CDH17: variants seen among roughly 807,000 people sequenced by gnomAD.
CDH17 encodes cadherin 17.
Under a neutral mutation model 86.3 loss-of-function variants are expected in CDH17, and 67 were observed. The ratio of observed to expected loss-of-function variants is 0.78; its 90% confidence interval spans 0.64 to 0.95. The LOEUF is 0.95. Among genes scored for constraint, CDH17 ranks in the 40% least tolerant of loss-of-function variants. The pLI, the probability that CDH17 is intolerant of heterozygous loss-of-function variation, is 0.00. For missense variants in CDH17, 993 were observed against 1,017.6 expected (o/e 0.98, Z 0.33); for synonymous variants, 367 against 366.4 (o/e 1.00, Z -0.02).
At chr8:94,205,419 C>T (rs1356821410) in intron 1 of CDH17, among the ~76,000 whole-genome samples, 1 of 151,920 alleles carries the variant, frequency 6.6e-6, no homozygotes, top group Non-Finnish European at 1.5e-5. Context: ...AGGTTCCATC[C>T]CATAGGATTT....
chr8:94,141,597 A>G (rs976334260), intron 15 of CDH17, among the ~76,000 whole-genome samples: 8 of 152,194 alleles, frequency 5.3e-5, no homozygotes, highest in African/African-American at 1.9e-4. Context: ...AGTATACAGA[A>G]ATCATTATAT....
chr8:94,137,648 C>A (rs1812556878), intron 15 of CDH17, among the ~76,000 whole-genome samples: 1 of 152,036 alleles, frequency 6.6e-6, no homozygotes, highest in Admixed American at 6.6e-5. Context: ...ATGAAATCAC[C>A]AATGAAAAGC....
At position 94,193,832 on chromosome 8, in the gene CDH17, G is replaced by T. The variant is rs146739109; in HGVS notation, c.51+803C>A. Among the ~76,000 whole-genome samples, 46 of 151,970 alleles carry T rather than the reference G, an allele frequency of 3.0e-4. 1 individual carries two copies. In the East Asian group the frequency reaches 8.3e-3, roughly 27 times the overall value. ...TCATTCAATTTCACACTGTCACTAT[G>T]TGAGCTCTAGGGTATTTTTTGGGAC... On this transcript the variant is annotated intron_variant, in intron 2 of 17. Coordinates refer to ENST00000027335, the MANE Select transcript of CDH17 (RefSeq NM_004063.4).
At chr8:94,156,286 G>A (rs1409021972) in intron 12 of CDH17, among the ~76,000 whole-genome samples, 2 of 152,178 alleles carry the variant, frequency 1.3e-5, no homozygotes, top group Admixed American at 1.3e-4. Flanking sequence ...ATCAAAGTGT[G>A]CACATTAGTT....
At chr8:94,193,394 G>A (rs1278505105) in intron 2 of CDH17, among the ~76,000 whole-genome samples, 4 of 152,190 alleles carry the variant, frequency 2.6e-5, no homozygotes, top group African/African-American at 7.2e-5. Context: ...AATTATAGTA[G>A]CTAATGTTTA....
intron 1 of CDH17, among the ~76,000 whole-genome samples, chr8:94,203,790 C>T (rs770057363): frequency 6.6e-6 from 1 of 152,064 alleles, no homozygotes; most frequent in Non-Finnish European, 1.5e-5. Context: ...AGGGAATGGG[C>T]AGCTGGATGA....
In CDH17 at chr8:94,152,063, T is replaced by G; in HGVS notation, c.1601A>C (p.Glu534Ala). 9.9e-6 allele frequency: 16 copies of G among 1,614,216 alleles called. No homozygotes were observed. Among genetic ancestry groups the G allele is most frequent in the Non-Finnish European group, 1.4e-5 (16 of 1,180,030 alleles). The change falls in exon 13 of 18, where the codon GAA becomes GCA. Residue 534 changes from glutamate to alanine, a missense_variant. Coordinates refer to ENST00000027335, the MANE Select transcript of CDH17 (RefSeq NM_004063.4). The part of the protein sequence containing the change: ...AAVSNIVFKA[E>A]NPEPLVFGVK... The stretch of plus-strand genomic sequence containing the variant: ...ACCAAACACTAGAGGCTCAGGATTT[T>G]CTGCTTTGAACACAATGTTGGAAAC...
At chr8:94,188,821 C>T (rs2130662036) in intron 3 of CDH17, among the ~76,000 whole-genome samples, 1 of 152,296 alleles carries the variant, frequency 6.6e-6, no homozygotes, top group South Asian at 2.1e-4. Flanking sequence ...GCCGTATCTT[C>T]CAGTACTTGA....
At chr8:94,196,058 C>T (rs1478892018) in intron 1 of CDH17, among the ~76,000 whole-genome samples, 2 of 152,186 alleles carry the variant, frequency 1.3e-5, no homozygotes, top group Non-Finnish European at 2.9e-5. Flanking sequence ...CCACACCTGG[C>T]TGAGTCAAGA....
chr8:94,144,507 G>T (rs928612479), intron 15 of CDH17, among the ~76,000 whole-genome samples: 1 of 152,050 alleles, frequency 6.6e-6, no homozygotes, highest in Non-Finnish European at 1.5e-5. Flanking sequence ...GCAATAAGAT[G>T]AGGTATGCCT....
At chr8:94,201,952 G>A in intron 1 of CDH17, 1 of 222,658 alleles carries the variant, frequency 4.5e-6, no homozygotes, top group East Asian at 1.2e-4. Context: ...CATTCACCAG[G>A]GCACACACAG....
intron 1 of CDH17, among the ~76,000 whole-genome samples, chr8:94,200,803 C>T (rs778758027): frequency 7.2e-5 from 11 of 151,992 alleles, no homozygotes; most frequent in African/African-American, 1.9e-4. Context: ...GCCCGGATAA[C>T]GACAAAGGCA....
chr8:94,153,087 T>C (rs1324568648), intron 12 of CDH17, among the ~76,000 whole-genome samples: 1 of 152,134 alleles, frequency 6.6e-6, no homozygotes, highest in African/African-American at 2.4e-5. Context: ...AAGCAGCAAC[T>C]TACAGATCAG....
chr8:94,209,793 G>A (rs181295218), upstream of CDH17, among the ~76,000 whole-genome samples: 2 of 152,148 alleles, frequency 1.3e-5, no homozygotes, highest in East Asian at 3.9e-4. Context: ...AAATCAAATC[G>A]CTTCCACTTG....
chr8:94,192,861 T>C (rs1813712651), intron 2 of CDH17, among the ~76,000 whole-genome samples: 1 of 152,232 alleles, frequency 6.6e-6, no homozygotes, highest in Non-Finnish European at 1.5e-5. Flanking sequence ...AACCCTCTGA[T>C]AAATCTATCT....
At chr8:94,139,912 A>AAG (rs1554585007) in intron 15 of CDH17, among the ~76,000 whole-genome samples, 2 of 143,666 alleles carry the variant, frequency 1.4e-5, no homozygotes, top group Non-Finnish European at 3.0e-5. Flanking sequence ...ATAAAAAAAA[A>AAG]GGGGGGGTGG....
In CDH17 at chr8:94,199,757, G is replaced by A. The variant is rs1254409833; in HGVS notation, c.-20-5052C>T. ...TGAAGACAAATCTACCACACCATGCGGTTGTTAGGAGCATAGACCCAGGAG... is the reference window on the plus strand; with the variant it reads ...TGAAGACAAATCTACCACACCATGCAGTTGTTAGGAGCATAGACCCAGGAG... On this transcript the variant is annotated intron_variant, in intron 1 of 17. Coordinates refer to ENST00000027335, the MANE Select transcript of CDH17 (RefSeq NM_004063.4). Among the ~76,000 whole-genome samples, 6 of 152,206 alleles carry A rather than the reference G, an allele frequency of 3.9e-5. No homozygotes were observed. The East Asian group carries it at 9.6e-4, about 24-fold the overall frequency.
chr8:94,144,917 G>A lies in CDH17; in HGVS notation c.2167+1011C>T, dbSNP rs559005360. On this transcript the variant is annotated intron_variant, in intron 15 of 17. Transcript: ENST00000027335. ...TGCATATGAAAAGATGCTCAACACC[G>A]CTAGTCATTAGAGAAATACAAATAA... Among the ~76,000 whole-genome samples the A allele has an allele frequency of 2.1e-3, 319 of 152,208 alleles. 2 individuals are homozygous for A. Among genetic ancestry groups the A allele is most frequent in the African/African-American group, 7.0e-3 (290 of 41,524 alleles).
At position 94,161,325 on chromosome 8, in the gene CDH17, C is replaced by T. The variant is rs551917663; in HGVS notation, c.1359+761G>A. 5.8e-4 allele frequency among the ~76,000 whole-genome samples: 89 copies of T among 152,298 alleles called. 2 individuals carry two copies. In the South Asian group the frequency reaches 8.5e-3, roughly 15 times the overall value. On this transcript the variant is annotated intron_variant, in intron 11 of 17. Coordinates refer to ENST00000027335, the MANE Select transcript of CDH17 (RefSeq NM_004063.4). ...CCTAGCCCCCTCATAAATCAATTCC[C>T]TTCTTTGTTGCAGGCTTGTCCCTAT...
Sources: gnomAD v4.1 joint callset for allele counts (sites outside exome capture counted in the v4.1 genomes callset) on GRCh38, gnomAD v4.1.1 for gene constraint, MANE v1.5 for transcripts, NCBI Gene and HGNC (gene_info 2026-07-23, HGNC 2026-07-21) for gene names.